CAMTA1: variants seen among roughly 807,000 people sequenced by gnomAD.
CAMTA1 encodes calmodulin binding transcription activator 1.
In CAMTA1, 27 loss-of-function variants were observed where a neutral mutation model predicts 170.9. The observed-to-expected ratio is 0.16, with a 90% CI of 0.12 to 0.22. CAMTA1 has a LOEUF of 0.22. Ranked by LOEUF, CAMTA1 falls within the 10% of genes least tolerant of loss-of-function variation. The pLI, the probability that CAMTA1 is intolerant of heterozygous loss-of-function variation, is 1.00. For missense variants in CAMTA1, 1,619 were observed against 2,217.2 expected (o/e 0.73, Z 5.42); for synonymous variants, 833 against 891.5 (o/e 0.93, Z 1.17).
intron 3 of CAMTA1, among the ~76,000 whole-genome samples, chr1:6,876,828 G>A (rs1054643022): frequency 2.0e-5 from 3 of 152,186 alleles, no homozygotes; most frequent in South Asian, 2.1e-4. Context: ...TAGATAGATC[G>A]AGAAATGGCA....
chr1:6,879,357 G>T (rs1278018105), intron 3 of CAMTA1, among the ~76,000 whole-genome samples: 2 of 152,136 alleles, frequency 1.3e-5, no homozygotes, highest in African/African-American at 4.8e-5. Flanking sequence ...AAGACTTCAG[G>T]TATTTGATGA....
At chr1:6,825,573 TC>T (rs908515269) in intron 3 of CAMTA1, among the ~76,000 whole-genome samples, 31 of 152,348 alleles carry the variant, frequency 2.0e-4, no homozygotes, top group African/African-American at 7.0e-4. Flanking sequence ...GTCCCACTGT[TC>T]CACAGAATGT....
At chr1:7,735,192 AAT>A (rs2096762075) in intron 12 of CAMTA1, among the ~76,000 whole-genome samples, 1 of 152,186 alleles carries the variant, frequency 6.6e-6, no homozygotes, top group Non-Finnish European at 1.5e-5. Flanking sequence ...TAAGTGATCT[AAT>A]TCTCCTTCAG....
chr1:7,409,925 C>G (rs542191409), intron 5 of CAMTA1, among the ~76,000 whole-genome samples: 11 of 152,220 alleles, frequency 7.2e-5, no homozygotes, highest in African/African-American at 2.6e-4. Context: ...GAGGCCTGGA[C>G]CTGGCCAAGA....
chr1:7,479,994 C>A (rs975958755), intron 6 of CAMTA1, among the ~76,000 whole-genome samples: 10 of 151,378 alleles, frequency 6.6e-5, no homozygotes, highest in African/African-American at 2.4e-4. Flanking sequence ...AATGTATGTG[C>A]ATGTGTGTGA....
chr1:7,251,862 T>C lies in CAMTA1; in HGVS notation c.438+2236T>C, dbSNP rs1222645164. Among the ~76,000 whole-genome samples the C allele has an allele frequency of 1.3e-5, 2 of 151,814 alleles. No individual in the cohort carries two copies. Among genetic ancestry groups the C allele is most frequent in the African/African-American group, 2.4e-5 (1 of 41,322 alleles). On this transcript the variant is annotated intron_variant, in intron 5 of 22. Coordinates refer to ENST00000303635, the MANE Select transcript of CAMTA1 (RefSeq NM_015215.4). This position sits in a 1 kb window ranked among gnomAD's most constrained non-coding sequence, Gnocchi z 5.1. ...AAAGTCGGGTGGGACTCTGTGTGTG[T>C]GTATATATGTTTGTGTGTGTGTGTG...
intron 3 of CAMTA1, among the ~76,000 whole-genome samples, chr1:6,852,161 A>C (rs1348828574): frequency 6.6e-6 from 1 of 152,236 alleles, no homozygotes; most frequent in Non-Finnish European, 1.5e-5. Context: ...AAAAGAAGGT[A>C]AACAGCCAAA....
intron 3 of CAMTA1, among the ~76,000 whole-genome samples, chr1:6,905,793 T>C (rs1301565823): frequency 1.3e-5 from 2 of 152,234 alleles, no homozygotes; most frequent in Non-Finnish European, 2.9e-5. Context: ...CCTGCATCTC[T>C]TATTGCGTGT....
At chr1:7,376,578 G>A (rs146774237) in intron 5 of CAMTA1, among the ~76,000 whole-genome samples, 1 of 152,300 alleles carries the variant, frequency 6.6e-6, no homozygotes, top group East Asian at 1.9e-4. Flanking sequence ...GTCAGTATTA[G>A]CTGGGCTTCA....
At chr1:6,950,150 G>C (rs1481795030) in intron 3 of CAMTA1, among the ~76,000 whole-genome samples, 1 of 152,198 alleles carries the variant, frequency 6.6e-6, no homozygotes, top group African/African-American at 2.4e-5. Flanking sequence ...CCAGGGGCAG[G>C]GGATGGTGCT....
chr1:7,767,804 T>C lies in CAMTA1; in HGVS notation c.*1313T>C, dbSNP rs1443972094. The stretch of plus-strand genomic sequence containing the variant: ...CTATAAGAGTACTTTATTTTAAATG[T>C]TCTTTAGGAGAACATTTTGCTAAAG... On this transcript the variant is annotated 3_prime_UTR_variant, in exon 23 of 23. Transcript: ENST00000303635. 6.7e-6 allele frequency: 1 copy of C among 150,212 alleles called. No homozygotes were observed. The highest frequency in any genetic ancestry group is 1.9e-4 in the East Asian group (1 of 5,200). The allele number at this position is 150,212 out of a possible 1,614,324, so 9.3% of individuals were successfully genotyped here.
At chr1:7,621,940 C>T (rs80114850) in intron 6 of CAMTA1, among the ~76,000 whole-genome samples, 3,617 of 152,312 alleles carry the variant, frequency 0.024, 139 homozygotes, top group African/African-American at 0.082. Flanking sequence ...GATAGTGAGG[C>T]GTCTTCTCTG....
chr1:6,807,645 A>G (rs1644675484), intron 1 of CAMTA1, among the ~76,000 whole-genome samples: 3 of 151,426 alleles, frequency 2.0e-5, no homozygotes, highest in African/African-American at 7.3e-5. Context: ...GCTTGAATCC[A>G]GGAGGCGGAG....
At chr1:7,691,032 G>A (rs910015849) in intron 11 of CAMTA1, among the ~76,000 whole-genome samples, 3 of 152,322 alleles carry the variant, frequency 2.0e-5, no homozygotes, top group South Asian at 2.1e-4. Context: ...TGCAGTCAAC[G>A]AGCTTCCCGT....
chr1:7,393,793 C>T (rs2088989376), intron 5 of CAMTA1, among the ~76,000 whole-genome samples: 1 of 152,146 alleles, frequency 6.6e-6, no homozygotes, highest in Admixed American at 6.5e-5. Context: ...CTATCAAACA[C>T]TAGAAATTAT....
intron 3 of CAMTA1, among the ~76,000 whole-genome samples, chr1:6,830,468 T>C (rs2148571210): frequency 6.6e-6 from 1 of 151,262 alleles, no homozygotes; most frequent in Non-Finnish European, 1.5e-5. Context: ...CTCAGCCTCC[T>C]GTGTAGCTGT....
chr1:7,706,116 C>G (rs572558027), intron 11 of CAMTA1, among the ~76,000 whole-genome samples: 55 of 152,342 alleles, frequency 3.6e-4, no homozygotes, highest in African/African-American at 1.3e-3. Flanking sequence ...AGACTGTCTT[C>G]TTAATCAGTT....
At chr1:7,601,534 A>T (rs1458543876) in intron 6 of CAMTA1, among the ~76,000 whole-genome samples, 3 of 146,594 alleles carry the variant, frequency 2.0e-5, no homozygotes, top group East Asian at 2.0e-4. Context: ...CTTCCCAGAC[A>T]GGGTGGCGGC....
At chr1:7,717,879 T>C (rs1396969966) in intron 11 of CAMTA1, among the ~76,000 whole-genome samples, 1 of 152,226 alleles carries the variant, frequency 6.6e-6, no homozygotes, top group Non-Finnish European at 1.5e-5. Context: ...CTGTACCTTG[T>C]TCTTCTTGAA....
Sources: allele counts gnomAD v4.1 joint callset (sites outside exome capture counted in the v4.1 genomes callset), GRCh38; gene constraint gnomAD v4.1.1; non-coding constraint Gnocchi (gnomAD v3.1); transcripts MANE v1.5; gene names NCBI Gene and HGNC (gene_info 2026-07-23, HGNC 2026-07-21).